Variants in ACLY observed in about 807,000 individuals in gnomAD.
The protein encoded by ACLY is ATP citrate lyase.
In ACLY, 41 loss-of-function variants were observed where a neutral mutation model predicts 133.0. That is an observed-to-expected ratio of 0.31 (90% CI 0.24 to 0.40). The LOEUF is 0.40. Ranked by LOEUF, ACLY falls within the 10% of genes least tolerant of loss-of-function variation. The pLI, the probability that ACLY is intolerant of heterozygous loss-of-function variation, is 1.00. For missense variants in ACLY, 1,046 were observed against 1,453.8 expected, an observed-to-expected ratio of 0.72 and a Z score of 4.56; for synonymous variants, 495 against 549.3, an observed-to-expected ratio of 0.90 and a Z score of 1.38.
intron 1 of ACLY, among the ~76,000 whole-genome samples, chr17:41,930,169 G>A (rs1035326776): frequency 9.2e-5 from 14 of 152,112 alleles, no homozygotes; most frequent in African/African-American, 3.4e-4. Flanking sequence ...GCAAATCCTC[G>A]CATCCCTGAG....
At chr17:41,877,585 A>G (rs955644422) in intron 22 of ACLY, among the ~76,000 whole-genome samples, 1 of 151,974 alleles carries the variant, frequency 6.6e-6, no homozygotes, top group Non-Finnish European at 1.5e-5. Context: ...AAAAGTGTCA[A>G]CTTGACTGGA....
rs782678158 is a variant in ACLY, at chr17:41,886,294, C to G, written c.1890G>C (p.Lys630Asn). Residue 630 changes from lysine (K) to asparagine (N), a missense_variant, in exon 18 of 29, where the codon AAG (lysine) becomes AAC (asparagine). Lys to Asn is a moderately conservative substitution (Grantham distance 94, BLOSUM62 0). Transcript: ENST00000352035. ...TGTTGCCAATCTTAAAGCACCCAGG[C>G]TTGATGCCTCCAACCTGTGGGGGCA... ...IIGPATVGGIKPGCFKIGNTG... is the reference protein window; with the variant it reads ...IIGPATVGGINPGCFKIGNTG... 6.2e-7 allele frequency: 1 copy of G among 1,610,036 alleles called. No individual in the cohort carries two copies. Among genetic ancestry groups the G allele is most frequent in the South Asian group, 1.1e-5 (1 of 91,008 alleles).
intron 28 of ACLY, 60 bp from the exon 29 acceptor site, chr17:41,867,964 G>A: frequency 8.2e-7 from 1 of 1,223,996 alleles, no homozygotes; most frequent in Non-Finnish European, 1.2e-6. Flanking sequence ...GAGAGGAAGA[G>A]GCTAAGGAAG....
chr17:41,886,412 G>C (rs1416115428), intron 17 of ACLY, 104 bp from the exon 18 acceptor site: 1 of 1,194,032 alleles, frequency 8.4e-7, no homozygotes, highest in Admixed American at 2.6e-5. Context: ...TGGCCAGGCT[G>C]GGGAGAGAAT....
intron 1 of ACLY, among the ~76,000 whole-genome samples, chr17:41,916,844 A>T (rs1320151646): frequency 6.6e-6 from 1 of 152,044 alleles, no homozygotes. Flanking sequence ...CAGACTGACC[A>T]CCAGTTAAGA....
intron 14 of ACLY, among the ~76,000 whole-genome samples, chr17:41,895,607 G>A (rs1211925589): frequency 1.3e-5 from 2 of 152,174 alleles, no homozygotes; most frequent in African/African-American, 4.8e-5. Flanking sequence ...AAGTAACAAG[G>A]ATAACCCCCC....
Position 41,886,143 on chromosome 17 carries a change from C to T in ACLY, c.2041G>A (p.Val681Ile), listed in dbSNP as rs201998406. 33 of 1,614,088 alleles carry T rather than the reference C, an allele frequency of 2.0e-5. No individual in the cohort carries two copies. In the South Asian group the frequency reaches 2.3e-4, roughly 11 times the overall value. Reference protein sequence around the residue: ...NNIISRTTDGVYEGVAIGGDR... With the variant: ...NNIISRTTDGIYEGVAIGGDR... ...CCACCAATGGCCACGCCCTCATAGA[C>T]GCCATCCGTGGTCCGAGAGATGATA... Residue 681 changes from valine to isoleucine, a missense_variant, in exon 18 of 29, where the codon GTC (valine) becomes ATC (isoleucine). By Grantham distance (29) the Val-to-Ile change is conservative (BLOSUM62 3). Around this residue, in one of 4 missense-constraint regions of ACLY, gnomAD observed 575 missense variants for 804.2 expected, o/e 0.71. Coordinates refer to ENST00000352035, the MANE Select transcript of ACLY (RefSeq NM_001096.3).
chr17:41,898,665 G>A lies in ACLY; in HGVS notation c.1304C>T (p.Ala435Val). 6.2e-7 allele frequency: 1 copy of A among 1,613,920 alleles called. No homozygotes were observed. The highest frequency in any genetic ancestry group is 8.5e-7 in the Non-Finnish European group (1 of 1,179,938). ...CCCGCTGGCGTTGAGGAGGAAGTTT[G>A]CAGTGTGGGCCGCTGTGGGTGGCTG... ...PNQPPTAAHT[A>V]NFLLNASGST... Residue 435 changes from alanine to valine, a missense_variant, in exon 12 of 29, where the codon GCA (alanine) becomes GTA (valine). By Grantham distance (64) the Ala-to-Val change is moderately conservative (BLOSUM62 0). This residue lies in a region of ACLY where 575 missense variants were observed against 804.2 expected (regional missense o/e 0.71). Coordinates refer to ENST00000352035, the MANE Select transcript of ACLY (RefSeq NM_001096.3).
At chr17:41,870,046 G>A (rs2048560211) in intron 25 of ACLY, among the ~76,000 whole-genome samples, 1 of 152,148 alleles carries the variant, frequency 6.6e-6, no homozygotes, top group Non-Finnish European at 1.5e-5. Flanking sequence ...CAAAATTTTA[G>A]GGAAAACTCT....
At chr17:41,875,859 G>A (rs369456436) in intron 22 of ACLY, among the ~76,000 whole-genome samples, 3 of 152,064 alleles carry the variant, frequency 2.0e-5, no homozygotes, top group Admixed American at 6.5e-5. Context: ...CTGCCCGGCC[G>A]CCACCCCGTC....
chr17:41,909,635 C>G lies in ACLY; in HGVS notation c.411G>C (p.Glu137Asp), dbSNP rs782151031. ...CCACATCACCCACGTCCACACCCCC[C>G]TCGTGGTGGAACAGGACGTAGTCCC... ...REGDYVLFHHEGGVDVGDVDA... is the reference protein window; with the variant it reads ...REGDYVLFHHDGGVDVGDVDA... The change falls in exon 5 of 29, where the codon GAG (glutamate) becomes GAC (aspartate). Residue 137 changes from glutamate (E) to aspartate (D), a missense_variant. Glu to Asp is a conservative substitution (Grantham distance 45, BLOSUM62 2). Around this residue, in one of 4 missense-constraint regions of ACLY, gnomAD observed 227 missense variants for 245.6 expected, o/e 0.92. Coordinates refer to ENST00000352035, the MANE Select transcript of ACLY (RefSeq NM_001096.3). 10 of 1,614,198 alleles carry G rather than the reference C, an allele frequency of 6.2e-6. No homozygotes were observed. Among genetic ancestry groups the G allele is most frequent in the South Asian group, 1.1e-5 (1 of 91,080 alleles).
upstream of ACLY, among the ~76,000 whole-genome samples, chr17:41,920,071 T>G (rs1438583734): frequency 3.3e-5 from 5 of 152,202 alleles, no homozygotes; most frequent in African/African-American, 1.2e-4. Flanking sequence ...GCAGCAGGCC[T>G]GTCCCCCTGC....
rs558056100 is a variant in ACLY at position 41,879,647 on chromosome 17, C to CAAAAAAAAAAA, written c.2266-734_2266-724dup. On this transcript the variant is annotated intron_variant, in intron 20 of 28. Transcript: ENST00000352035. ...GGGTGATAAGAGCAAGACTCCGTCT[C>CAAAAAAAAAAA]AAAAAAAAAAAAAAAAAAAAAAAAA... 9.6e-3 allele frequency among the ~76,000 whole-genome samples: 329 copies of CAAAAAAAAAAA among 34,216 alleles called. 20 individuals are homozygous for CAAAAAAAAAAA. The highest frequency in any genetic ancestry group is 0.067 in the Middle Eastern group (2 of 30). The allele number at this position is 34,216 out of a possible 152,430, so 22.4% of individuals were successfully genotyped here.
intron 11 of ACLY, among the ~76,000 whole-genome samples, chr17:41,900,892 C>G (rs561022030): frequency 3.0e-4 from 45 of 152,154 alleles, no homozygotes; most frequent in South Asian, 2.7e-3. Flanking sequence ...CCTTCCCTCT[C>G]CAAGAGTCAC....
rs2048528787 is a variant in ACLY, at chr17:41,868,773, A to G, written c.3147T>C (p.Asp1049=). ...TGAGGGCTCCAATGTCAATATATTC[A>G]TCAGCTTCCTCCCTGCAACACACAT... ...NCGSFTREEA[D]EYIDIGALNG... is the part of the protein sequence containing the mutation. Residue 1049 remains aspartate, a synonymous_variant, in exon 28 of 29, where the codon GAT becomes GAC. Coordinates refer to ENST00000352035, the MANE Select transcript of ACLY (RefSeq NM_001096.3). 1.2e-6 allele frequency: 2 copies of G among 1,613,848 alleles called. No homozygotes were observed. Among genetic ancestry groups the G allele is most frequent in the South Asian group, 2.2e-5 (2 of 91,060 alleles).
At chr17:41,879,205 C>T (rs2048840601) in intron 20 of ACLY, among the ~76,000 whole-genome samples, 1 of 151,928 alleles carries the variant, frequency 6.6e-6, no homozygotes, top group South Asian at 2.1e-4. Context: ...TCCTGGGTTC[C>T]AGCGATTCTC....
At chr17:41,900,339 G>A (rs149858330) in intron 11 of ACLY, among the ~76,000 whole-genome samples, 3,314 of 151,200 alleles carry the variant, frequency 0.022, 66 homozygotes, top group Non-Finnish European at 0.035. Flanking sequence ...CTCCAGCCTG[G>A]GTAACAGAGC....
At chr17:41,928,017 T>C (rs573757425) in intron 1 of ACLY, among the ~76,000 whole-genome samples, 27 of 152,036 alleles carry the variant, frequency 1.8e-4, no homozygotes, top group Admixed American at 6.6e-4. Context: ...TGCGTGTCTG[T>C]AGTCCCAGCT....
chr17:41,905,156 A>G (rs1555632358), intron 9 of ACLY, among the ~76,000 whole-genome samples: 2 of 152,144 alleles, frequency 1.3e-5, no homozygotes, highest in African/African-American at 4.8e-5. Flanking sequence ...GGGCACTGAG[A>G]CTCACAGAGG....
Sources: gnomAD v4.1 joint callset for allele counts (sites outside exome capture counted in the v4.1 genomes callset) on GRCh38, gnomAD v4.1.1 for gene constraint, gnomAD v4.1.1 regional missense constraint, MANE v1.5 for transcripts, NCBI Gene and HGNC (gene_info 2026-07-23, HGNC 2026-07-21) for gene names.